CYGB: variants seen among roughly 807,000 people sequenced by gnomAD.
The protein encoded by CYGB is cytoglobin, also known as histoglobin.
Under a neutral mutation model 20.7 loss-of-function variants are expected in CYGB, and 13 were observed. The observed-to-expected ratio is 0.63, with a 90% CI of 0.41 to 1.00. The LOEUF is 1.00. CYGB is among the 50% of genes least tolerant of loss of function. CYGB has a pLI of 0.00. For missense variants in CYGB, 218 were observed against 257.2 expected, an observed-to-expected ratio of 0.85 and a Z score of 1.04; for synonymous variants, 93 against 107.4, an observed-to-expected ratio of 0.87 and a Z score of 0.83.
At chr17:76,529,068 G>A (rs1392808236) in intron 3 of CYGB, 29 of 743,990 alleles carry the variant, frequency 3.9e-5, no homozygotes, top group South Asian at 2.6e-4. Context: ...CCCCACCCAC[G>A]CAAAGGCGCA....
At chr17:76,538,806 C>A (rs2074953255), upstream of CYGB, among the ~76,000 whole-genome samples, 1 of 152,240 alleles carries the variant, frequency 6.6e-6, no homozygotes, top group Non-Finnish European at 1.5e-5. Context: ...CCAGACAGGG[C>A]CTGGCAGTGT....
rs1475465388 is a variant in CYGB at position 76,537,325 on chromosome 17, G to C, written c.143+75C>G. ...GGAGGTGGCGCTGGAGCTCGGACCC[G>C]GGCCCAGCCCTCCTCTGCCCGGAGC... On this transcript the variant is annotated intron_variant, in intron 1 of 3. Transcript: ENST00000293230. The C allele has an allele frequency of 5.0e-5, 71 of 1,431,630 alleles. 1 individual carries two copies. The East Asian group carries it at 1.4e-3, about 27-fold the overall frequency. The allele number at this position is 1,431,630 out of a possible 1,614,324, so 88.7% of individuals were successfully genotyped here.
chr17:76,537,743 G>A (rs1050756720), upstream of CYGB: 39 of 223,168 alleles, frequency 1.7e-4, no homozygotes, highest in African/African-American at 8.7e-4. Flanking sequence ...GTATATGTGC[G>A]GGGGGCGGGG....
Position 76,527,492 on chromosome 17 carries a change from A to G in CYGB, c.*1086T>C, listed in dbSNP as rs1390315130. 1.4e-5 allele frequency: 6 copies of G among 414,988 alleles called. No homozygotes were observed. The highest frequency in any genetic ancestry group is 4.1e-5 in the African/African-American group (2 of 49,098). 25.7% of individuals were successfully genotyped at this position (414,988 alleles called of 1,614,324 possible). ...ATGAGGATGGGCCAGGAGGGGACAC[A>G]GCAGGAGCCACAGCAGCAAAACATC... is the stretch of plus-strand genomic sequence containing the variant. On this transcript the variant is annotated 3_prime_UTR_variant, in exon 4 of 4. Coordinates refer to ENST00000293230, the MANE Select transcript of CYGB (RefSeq NM_134268.5).
chr17:76,540,328 G>C, upstream of CYGB: 1 of 1,368,384 alleles, frequency 7.3e-7, no homozygotes, highest in Admixed American at 2.0e-5. This position sits in a 1 kb window ranked among gnomAD's most constrained non-coding sequence, Gnocchi z 5.0. Context: ...AGCGGGGCTG[G>C]GAGGGCATTT....
chr17:76,544,057 T>C (rs1243397977), intron 1 of CYGB: 1 of 454,742 alleles, frequency 2.2e-6, no homozygotes, highest in Middle Eastern at 6.9e-4. Flanking sequence ...CCCCAGCTGC[T>C]CTGCCATTTC....
chr17:76,534,178 T>C (rs143570332), intron 1 of CYGB, among the ~76,000 whole-genome samples: 368 of 63,674 alleles, frequency 5.8e-3, no homozygotes, highest in Non-Finnish European at 0.011. Context: ...CTCTCTCTCT[T>C]TCTTTCTTTC....
chr17:76,536,684 C>G (rs2074917410), intron 1 of CYGB, among the ~76,000 whole-genome samples: 1 of 152,158 alleles, frequency 6.6e-6, no homozygotes, highest in African/African-American at 2.4e-5. Context: ...TAAGCCCAAG[C>G]CACTGCATTT....
At chr17:76,544,065 TTC>T (rs886053476) in intron 1 of CYGB, 2 of 454,548 alleles carry the variant, frequency 4.4e-6, no homozygotes, top group Non-Finnish European at 8.8e-6. Flanking sequence ...GCTCTGCCAT[TTC>T]TCTCTTTTCA....
upstream of CYGB, chr17:76,540,421 G>A: frequency 7.5e-6 from 11 of 1,467,588 alleles, no homozygotes; most frequent in Non-Finnish European, 1.1e-5. The surrounding 1 kb of genome is among the most constrained non-coding windows in gnomAD (Gnocchi z 5.0). Flanking sequence ...TACTCCCATA[G>A]CCCAATGCGG....
upstream of CYGB, among the ~76,000 whole-genome samples, chr17:76,541,264 G>T (rs2074990053): frequency 6.6e-6 from 1 of 152,214 alleles, no homozygotes; most frequent in African/African-American, 2.4e-5. Context: ...CATGCATGAG[G>T]GGTTCCTTCT....
chr17:76,540,518 G>A (rs767439982), upstream of CYGB: 29 of 1,613,604 alleles, frequency 1.8e-5, no homozygotes, highest in South Asian at 2.0e-4. The surrounding 1 kb of genome is among the most constrained non-coding windows in gnomAD (Gnocchi z 5.0). Context: ...GCCCAGCGAC[G>A]TGGATGGGGC....
intron 3 of CYGB, chr17:76,529,143 A>G (rs576215716): frequency 1.0e-6 from 1 of 980,584 alleles, no homozygotes; most frequent in Non-Finnish European, 1.2e-6. Flanking sequence ...CCCTGATAAG[A>G]GAAGTTGGGC....
chr17:76,533,302 C>T lies in CYGB; in HGVS notation c.144-1611G>A, dbSNP rs1437303842. Among the ~76,000 whole-genome samples, 2 of 152,160 alleles carry T rather than the reference C, an allele frequency of 1.3e-5. No individual in the cohort carries two copies. The highest frequency in any genetic ancestry group is 2.9e-5 in the Non-Finnish European group (2 of 68,030). The stretch of plus-strand genomic sequence containing the variant: ...CTTCATGGATACACGGGTGAGGACA[C>T]GTGAGGCGACGGGTCTGAAAATACA... On this transcript the variant is annotated intron_variant, in intron 1 of 3. Transcript: ENST00000293230. This position sits in a 1 kb window ranked among gnomAD's most constrained non-coding sequence, Gnocchi z 4.5.
chr17:76,543,949 G>A (rs910878066), intron 1 of CYGB: 11 of 468,554 alleles, frequency 2.3e-5, no homozygotes, highest in East Asian at 1.4e-4. Flanking sequence ...GTGCAAGCGC[G>A]TGTGTTCCAA....
chr17:76,547,574 A>T (rs2075063744), intron 1 of CYGB, among the ~76,000 whole-genome samples: 1 of 152,118 alleles, frequency 6.6e-6, no homozygotes, highest in South Asian at 2.1e-4. Context: ...TTAAAAATTT[A>T]CTAACAGACT....
At chr17:76,534,692 C>T (rs1168472666) in intron 1 of CYGB, among the ~76,000 whole-genome samples, 1 of 152,128 alleles carries the variant, frequency 6.6e-6, no homozygotes, top group East Asian at 1.9e-4. Context: ...CAGGAAGGGG[C>T]CCAGGCAGGC....
At chr17:76,548,446 G>T (rs2075077633) in intron 1 of CYGB, among the ~76,000 whole-genome samples, 2 of 152,240 alleles carry the variant, frequency 1.3e-5, no homozygotes, top group African/African-American at 4.8e-5. Flanking sequence ...GGTGTCAGGA[G>T]TGACACTCGA....
In CYGB at chr17:76,544,711, C is replaced by T. The variant is rs552803584; in HGVS notation, c.-53+6151G>A. On this transcript the variant is annotated intron_variant, in intron 1 of 3. Coordinates refer to the CYGB transcript ENST00000589145. ...GCTGAGGGCCAGAGGGCACTGTTCC[C>T]GGGACCCAGTCTGTGTTCCCCGATC... 733 of 456,796 alleles carry T rather than the reference C, an allele frequency of 1.6e-3. 9 individuals carry two copies. The highest frequency in any genetic ancestry group is 0.011 in the South Asian group (706 of 64,578). The allele number at this position is 456,796 out of a possible 1,614,324, so 28.3% of individuals were successfully genotyped here.
Sources: gnomAD v4.1 joint callset for allele counts (sites outside exome capture counted in the v4.1 genomes callset) on GRCh38, gnomAD v4.1.1 for gene constraint, Gnocchi (gnomAD v3.1) non-coding constraint, MANE v1.5 for transcripts, NCBI Gene and HGNC (gene_info 2026-07-23, HGNC 2026-07-21) for gene names.